The following KLF12 variants were observed in gnomAD, a reference collection of about 807,000 sequenced individuals.
KLF12 encodes the protein KLF transcription factor 12.
A neutral mutation model predicts 37.8 loss-of-function variants in KLF12; 9 were observed. The observed-to-expected ratio is 0.24, with a 90% confidence interval of 0.14 to 0.42. The LOEUF is 0.42. KLF12 is among the 10% of genes least tolerant of loss of function. KLF12 has a pLI of 1.00. For synonymous variants in KLF12, 208 were observed against 202.1 expected (o/e 1.03, Z -0.25); for missense variants, 411 against 516.0 (o/e 0.80, Z 1.97).
At chr13:73,985,395 A>G (rs1891801813) in intron 2 of KLF12, among the ~76,000 whole-genome samples, 1 of 152,216 alleles carries the variant, frequency 6.6e-6, no homozygotes, top group African/African-American at 2.4e-5. Flanking sequence ...GTTAAAAAGG[A>G]ACACCTACCC....
Position 73,694,860 on chromosome 13 carries a change from T to C in KLF12, c.*630A>G, listed in dbSNP as rs1566301271. On this transcript the variant is annotated 3_prime_UTR_variant, in exon 8 of 8. Coordinates refer to ENST00000377669, the MANE Select transcript of KLF12 (RefSeq NM_007249.5). ...AACGACAAACAAATGAAAGATTCAA[T>C]GTTGGTTTTCTTCAGGGCATGGCAG... 1 of 152,560 alleles carries C rather than the reference T, an allele frequency of 6.6e-6. No individual in the cohort carries two copies. Among genetic ancestry groups the C allele is most frequent in the Non-Finnish European group, 1.5e-5 (1 of 68,040 alleles). The allele number at this position is 152,560 out of a possible 1,614,324, so 9.5% of individuals were successfully genotyped here.
intron 1 of KLF12, among the ~76,000 whole-genome samples, chr13:73,996,802 G>A (rs566585548): frequency 2.0e-5 from 3 of 152,082 alleles, no homozygotes; most frequent in East Asian, 3.9e-4. Context: ...AGAGCCCACC[G>A]CAAACTACAA....
chr13:74,086,896 A>G (rs1875339791), intron 1 of KLF12, among the ~76,000 whole-genome samples: 3 of 152,192 alleles, frequency 2.0e-5, no homozygotes, highest in African/African-American at 7.2e-5. Flanking sequence ...GGAAAAGAAA[A>G]TATATGTACT....
intron 5 of KLF12, among the ~76,000 whole-genome samples, chr13:73,766,019 G>C (rs1594066095): frequency 6.6e-6 from 1 of 152,246 alleles, no homozygotes; most frequent in Middle Eastern, 3.4e-3. Flanking sequence ...CCGCCTAAGG[G>C]CCAACTGCAG....
chr13:73,938,610 C>A (rs1890055788), intron 3 of KLF12, among the ~76,000 whole-genome samples: 1 of 152,202 alleles, frequency 6.6e-6, no homozygotes, highest in Non-Finnish European at 1.5e-5. Flanking sequence ...AAAGCATAAG[C>A]TCTGCTCTTA....
At chr13:73,906,558 C>T (rs563383362) in intron 3 of KLF12, among the ~76,000 whole-genome samples, 2 of 152,288 alleles carry the variant, frequency 1.3e-5, no homozygotes, top group African/African-American at 4.8e-5. Context: ...TCATTACTTG[C>T]TCACTTTTGT....
At chr13:73,706,189 G>A (rs918650884) in intron 7 of KLF12, among the ~76,000 whole-genome samples, 9 of 151,904 alleles carry the variant, frequency 5.9e-5, no homozygotes, top group Non-Finnish European at 1.0e-4. Context: ...AAAACCAATG[G>A]CATCTTTAAC....
At chr13:74,190,440 T>C in the KLF12 span, among the ~76,000 whole-genome samples, 144 of 152,370 alleles carry the variant, frequency 9.5e-4, no homozygotes, top group African/African-American at 3.3e-3. Flanking sequence ...ACTGTTATCA[T>C]TAATTCTGTG....
chr13:73,901,500 T>C (rs1185913427), intron 3 of KLF12, among the ~76,000 whole-genome samples: 1 of 152,136 alleles, frequency 6.6e-6, no homozygotes, highest in Non-Finnish European at 1.5e-5. Context: ...TTGGGCTAGA[T>C]TGGAGGTATA....
chr13:73,997,201 G>A (rs1036095748), intron 1 of KLF12, among the ~76,000 whole-genome samples: 9 of 152,078 alleles, frequency 5.9e-5, no homozygotes, highest in African/African-American at 1.9e-4. Flanking sequence ...TAACAGATGA[G>A]GACACAGATT....
At chr13:73,845,786 T>A in intron 4 of KLF12, 41 bp downstream of exon 4, 1 of 1,569,094 alleles carries the variant, frequency 6.4e-7, no homozygotes, top group East Asian at 2.2e-5. Flanking sequence ...TGAAGTCACC[T>A]CTAGTGCTGA....
chr13:73,886,156 A>G (rs1887214386), intron 3 of KLF12, among the ~76,000 whole-genome samples: 1 of 152,240 alleles, frequency 6.6e-6, no homozygotes, highest in South Asian at 2.1e-4. Context: ...AAGTGTCACA[A>G]AGATGAAGGT....
the KLF12 span, among the ~76,000 whole-genome samples, chr13:74,199,279 C>T: frequency 2.6e-5 from 4 of 152,162 alleles, no homozygotes; most frequent in East Asian, 1.9e-4. Flanking sequence ...AAAGGACTAA[C>T]GATTTACTTC....
At chr13:74,064,500 G>A (rs766220310) in intron 1 of KLF12, among the ~76,000 whole-genome samples, 2 of 152,132 alleles carry the variant, frequency 1.3e-5, no homozygotes, top group African/African-American at 2.4e-5. Flanking sequence ...ACAAAATTTG[G>A]TGTTGATGAT....
intron 3 of KLF12, among the ~76,000 whole-genome samples, chr13:73,896,140 CAACAG>C (rs1344924087): frequency 6.6e-6 from 1 of 152,150 alleles, no homozygotes; most frequent in East Asian, 1.9e-4. Flanking sequence ...CAAAGTGATG[CAACAG>C]AAGATGGGGT....
intron 3 of KLF12, among the ~76,000 whole-genome samples, chr13:73,849,527 C>T (rs1885214577): frequency 6.6e-6 from 1 of 151,570 alleles, no homozygotes; most frequent in South Asian, 2.1e-4. Flanking sequence ...GTAAGAAATA[C>T]TTAGAATAGT....
chr13:73,703,366 G>A (rs1360728317), intron 7 of KLF12, among the ~76,000 whole-genome samples: 1 of 152,080 alleles, frequency 6.6e-6, no homozygotes, highest in Non-Finnish European at 1.5e-5. Flanking sequence ...CAATCCTGAT[G>A]CGATTTTCTT....
At chr13:73,702,024 A>G (rs963562566) in intron 7 of KLF12, among the ~76,000 whole-genome samples, 1 of 152,146 alleles carries the variant, frequency 6.6e-6, no homozygotes, top group Admixed American at 6.6e-5. Flanking sequence ...CCACACACAC[A>G]CACAAAAAAA....
chr13:74,274,378 T>G, the KLF12 span, among the ~76,000 whole-genome samples: 2 of 152,178 alleles, frequency 1.3e-5, no homozygotes, highest in Admixed American at 6.5e-5. Flanking sequence ...ACATTACTTA[T>G]TACCTCTAAG....
Sources: gnomAD v4.1 joint callset for allele counts (sites outside exome capture counted in the v4.1 genomes callset) on GRCh38, gnomAD v4.1.1 for gene constraint, MANE v1.5 for transcripts, NCBI Gene and HGNC (gene_info 2026-07-23, HGNC 2026-07-21) for gene names.